Variants in EXOC4 observed in about 807,000 individuals in gnomAD.
EXOC4 encodes the protein SEC8-like 1.
Under a neutral mutation model 107.2 loss-of-function variants are expected in EXOC4, and 71 were observed. That is an observed-to-expected ratio of 0.66 (90% CI 0.55 to 0.81). EXOC4 has a LOEUF of 0.81. Among genes scored for constraint, EXOC4 ranks in the 30% least tolerant of loss-of-function variants. EXOC4 has a pLI of 0.00. For synonymous variants in EXOC4, 456 were observed against 441.2 expected, an observed-to-expected ratio of 1.03 and a Z score of -0.42; for missense variants, 1,108 against 1,189.6, an observed-to-expected ratio of 0.93 and a Z score of 1.01.
downstream of EXOC4, among the ~76,000 whole-genome samples, chr7:134,069,817 C>G (rs1421811235): frequency 2.0e-5 from 3 of 152,150 alleles, 1 homozygote; most frequent in Admixed American, 2.0e-4. Context: ...ACCCCACAGC[C>G]TTTATGAATG....
chr7:133,594,493 C>CTTTGTTTTTTT (rs1801618898), intron 9 of EXOC4, among the ~76,000 whole-genome samples: 2 of 90,356 alleles, frequency 2.2e-5, no homozygotes, highest in African/African-American at 4.5e-5. Flanking sequence ...AAGCTTGAGT[C>CTTTGTTTTTTT]TTTTTTTTTT....
At chr7:133,340,151 A>T (rs1000488245) in intron 5 of EXOC4, among the ~76,000 whole-genome samples, 3 of 152,216 alleles carry the variant, frequency 2.0e-5, no homozygotes, top group Non-Finnish European at 4.4e-5. Context: ...TGGGTTTGTC[A>T]TAGATGGCTT....
intron 17 of EXOC4, among the ~76,000 whole-genome samples, chr7:134,050,816 C>T (rs889452499): frequency 2.6e-5 from 4 of 152,060 alleles, no homozygotes. Flanking sequence ...CTAGTGAACA[C>T]ACAAGGTTTT....
chr7:133,601,074 C>G (rs1801794283), intron 9 of EXOC4, among the ~76,000 whole-genome samples: 1 of 152,154 alleles, frequency 6.6e-6, no homozygotes, highest in Non-Finnish European at 1.5e-5. Flanking sequence ...CGTTGCCCAG[C>G]TTCCCCTTTG....
chr7:133,292,775 T>A (rs552474961), intron 3 of EXOC4, among the ~76,000 whole-genome samples: 1 of 152,206 alleles, frequency 6.6e-6, no homozygotes, highest in Non-Finnish European at 1.5e-5. Context: ...GTCTTACCTA[T>A]TTTTGTCTGC....
chr7:133,787,966 TATATATA>T (rs1796618620), intron 10 of EXOC4, among the ~76,000 whole-genome samples: 5 of 16,492 alleles, frequency 3.0e-4, no homozygotes, highest in African/African-American at 8.6e-4. Flanking sequence ...TATATATTTA[TATATATA>T]TATATATATA....
At chr7:133,773,776 T>C (rs576414492) in intron 10 of EXOC4, among the ~76,000 whole-genome samples, 12 of 152,144 alleles carry the variant, frequency 7.9e-5, no homozygotes, top group Non-Finnish European at 1.8e-4. Context: ...CCACCCGGGC[T>C]ACAACCCTTC....
chr7:134,063,971 A>G (rs895700439), intron 17 of EXOC4, among the ~76,000 whole-genome samples: 7 of 152,156 alleles, frequency 4.6e-5, no homozygotes, highest in African/African-American at 1.4e-4. Context: ...TCTTCAGGCT[A>G]TACCCCTACT....
At chr7:133,276,964 C>A (rs1392785843) in intron 2 of EXOC4, among the ~76,000 whole-genome samples, 1 of 151,342 alleles carries the variant, frequency 6.6e-6, no homozygotes, top group Non-Finnish European at 1.5e-5. Context: ...ATTAACTGGG[C>A]ATTTTTTTTT....
intron 13 of EXOC4, among the ~76,000 whole-genome samples, chr7:133,920,657 A>G (rs920907401): frequency 5.9e-5 from 9 of 152,234 alleles, no homozygotes; most frequent in Non-Finnish European, 8.8e-5. Context: ...ATCATTGACT[A>G]CAATGTTATT....
chr7:133,646,219 T>C (rs563966423), intron 10 of EXOC4, among the ~76,000 whole-genome samples: 1 of 152,208 alleles, frequency 6.6e-6, no homozygotes, highest in Non-Finnish European at 1.5e-5. Flanking sequence ...TATTTTTTCT[T>C]CTTTCCAGAA....
chr7:133,947,586 C>T (rs62470447), intron 14 of EXOC4, among the ~76,000 whole-genome samples: 40,286 of 152,106 alleles, frequency 0.26, 6,314 homozygotes, highest in Non-Finnish European at 0.36. Flanking sequence ...CCACAATTCC[C>T]TCTGTCAATC....
chr7:133,667,470 G>T (rs953769901), intron 10 of EXOC4, among the ~76,000 whole-genome samples: 2 of 152,200 alleles, frequency 1.3e-5, no homozygotes, highest in Non-Finnish European at 2.9e-5. Flanking sequence ...AATGTAAGTG[G>T]ATAGATAAAT....
intron 14 of EXOC4, among the ~76,000 whole-genome samples, chr7:133,977,977 A>G (rs1793882860): frequency 6.6e-6 from 1 of 152,202 alleles, no homozygotes; most frequent in African/African-American, 2.4e-5. Flanking sequence ...GTTTCTTTGT[A>G]CATAGTGAAC....
chr7:133,516,386 C>T (rs1799875733), intron 9 of EXOC4, among the ~76,000 whole-genome samples: 2 of 152,086 alleles, frequency 1.3e-5, no homozygotes, highest in African/African-American at 4.8e-5. Context: ...CTTAGGCAGA[C>T]AAAATTATTC....
intron 10 of EXOC4, among the ~76,000 whole-genome samples, chr7:133,707,044 ATGTG>A (rs1381827225): frequency 6.6e-6 from 1 of 151,034 alleles, no homozygotes. Context: ...CTTGTAAGAC[ATGTG>A]TGTGTACACA....
At chr7:133,899,966 C>T (rs914992920) in intron 12 of EXOC4, among the ~76,000 whole-genome samples, 7 of 152,018 alleles carry the variant, frequency 4.6e-5, no homozygotes, top group African/African-American at 1.5e-4. Flanking sequence ...AGGCTGGTCT[C>T]GATCGAATTC....
intron 3 of EXOC4, among the ~76,000 whole-genome samples, chr7:133,290,250 C>G (rs1345040520): frequency 1.3e-5 from 2 of 152,090 alleles, no homozygotes; most frequent in Non-Finnish European, 2.9e-5. Context: ...GAGTCATGAT[C>G]AGGTCACTGT....
chr7:133,867,686 T>C (rs1798669936), intron 11 of EXOC4, among the ~76,000 whole-genome samples: 1 of 152,204 alleles, frequency 6.6e-6, no homozygotes, highest in Non-Finnish European at 1.5e-5. Flanking sequence ...GACTTAAATG[T>C]GATGCATAGT....
Sources: allele counts gnomAD v4.1 joint callset (sites outside exome capture counted in the v4.1 genomes callset), GRCh38; gene constraint gnomAD v4.1.1; transcripts MANE v1.5; gene names NCBI Gene and HGNC (gene_info 2026-07-23, HGNC 2026-07-21).